The following ITGA11 variants were observed in gnomAD, a reference collection of about 807,000 sequenced individuals.
The protein encoded by ITGA11 is integrin subunit alpha 11.
Under a neutral mutation model 141.9 loss-of-function variants are expected in ITGA11, and 97 were observed. That is an observed-to-expected ratio of 0.68 (90% CI 0.58 to 0.81). The LOEUF (loss-of-function observed/expected upper bound fraction) is 0.81. Ranked by LOEUF, ITGA11 falls within the 30% of genes least tolerant of loss-of-function variation. The probability of loss-of-function intolerance (pLI) is 0.00; values close to 1 mark genes in which losing one functional copy is unlikely to be tolerated. For missense variants in ITGA11, 1,387 were observed against 1,559.2 expected, an observed-to-expected ratio of 0.89 and a Z score of 1.86; for synonymous variants, 658 against 624.6, an observed-to-expected ratio of 1.05 and a Z score of -0.80.
chr15:68,378,372 T>C (rs556344957), intron 2 of ITGA11, among the ~76,000 whole-genome samples: 2 of 152,278 alleles, frequency 1.3e-5, no homozygotes, highest in South Asian at 4.1e-4. Flanking sequence ...AAGCTGGGCA[T>C]GGTGGCACAT....
intron 2 of ITGA11, among the ~76,000 whole-genome samples, chr15:68,391,599 A>T (rs920144775): frequency 6.6e-5 from 10 of 152,188 alleles, no homozygotes; most frequent in African/African-American, 2.4e-4. Context: ...TCCAACAAAA[A>T]GTGGGAAGTG....
rs1264114218 is a variant in ITGA11 at position 68,333,043 on chromosome 15, CCA to C, written c.1426-567_1426-566del. Reference sequence around the variant, plus strand: ...ATCTACAACATAATCACTGGTCATTCCACAGTGCTCCAAATTATGCATGTATC... The same window carrying C: ...ATCTACAACATAATCACTGGTCATTCCAGTGCTCCAAATTATGCATGTATC... On this transcript the variant is annotated intron_variant, in intron 12 of 29. Transcript: ENST00000315757. This position sits in a 1 kb window ranked among gnomAD's most constrained non-coding sequence, Gnocchi z 4.2. Among the ~76,000 whole-genome samples the C allele has an allele frequency of 2.0e-5, 3 of 152,008 alleles. No homozygotes were observed. Among genetic ancestry groups the C allele is most frequent in the African/African-American group, 7.2e-5 (3 of 41,398 alleles).
At position 68,315,727 on chromosome 15, in the gene ITGA11, C is replaced by T. The variant is rs1408636297; in HGVS notation, c.2716G>A (p.Val906Met). The change falls in exon 22 of 30, where the codon GTG becomes ATG. Residue 906 changes from valine (V) to methionine (M), a missense_variant and splice_region_variant. Physicochemically the swap from Val to Met is conservative, Grantham distance 21. Transcript: ENST00000315757. ...SYPFFRAKAK[V>M]AFRLDFEFSK... ...AACTCAAAATCAAGACGGAAAGCCA[C>T]CTGCAAGGAAGCAGTCGCATGTCTG... is the stretch of plus-strand genomic sequence containing the variant. 2 of 1,610,054 alleles carry T rather than the reference C, an allele frequency of 1.2e-6. No individual in the cohort carries two copies. The highest frequency in any genetic ancestry group is 1.7e-6 in the Non-Finnish European group (2 of 1,177,974).
rs1567121294 is a variant in ITGA11, at chr15:68,307,848, C to CACATT, written c.3175-153_3175-152insAATGT. On this transcript the variant is annotated intron_variant, in intron 26 of 29. Coordinates refer to ENST00000315757, the MANE Select transcript of ITGA11 (RefSeq NM_001004439.2). The surrounding 1 kb of genome is among the most constrained non-coding windows in gnomAD (Gnocchi z 6.1). ...TTGGGAGTGGGGGACATGTGCATTG[C>CACATT]GTCTGCCAGGGGATGACTGAAGGAC... Among the ~76,000 whole-genome samples the CACATT allele has an allele frequency of 6.6e-6, 1 of 152,086 alleles. No homozygotes were observed. The highest frequency in any genetic ancestry group is 2.4e-5 in the African/African-American group (1 of 41,410).
At chr15:68,317,434 C>T (rs776071090) in intron 20 of ITGA11, 71 bp from the exon 21 acceptor site, 14 of 1,058,012 alleles carry the variant, frequency 1.3e-5, no homozygotes, top group South Asian at 2.5e-5. Flanking sequence ...GGCTCCCTCA[C>T]CCCCAGCCTG....
intron 23 of ITGA11, 77 bp from the exon 24 acceptor site, chr15:68,312,940 G>A (rs1893442365): frequency 9.1e-7 from 1 of 1,099,996 alleles, no homozygotes; most frequent in Non-Finnish European, 1.4e-6. Context: ...AAGAGGGAGA[G>A]GGCATGTGCC....
At position 68,300,533 on chromosome 15, in the gene ITGA11, A is replaced by T. The variant is rs1348375391; in HGVS notation, c.*2526T>A. On this transcript the variant is annotated 3_prime_UTR_variant, in exon 30 of 30. Transcript: ENST00000315757. ...TAGCATAGACTTTGCTCCCTATAAG[A>T]TGCATCTTTGTTTGCTCTACCAGGC... 4 of 152,228 alleles carry T rather than the reference A, an allele frequency of 2.6e-5. No homozygotes were observed. 9.4% of individuals were successfully genotyped at this position (152,228 alleles called of 1,614,324 possible).
At chr15:68,417,510 C>T (rs1198811958) in intron 1 of ITGA11, among the ~76,000 whole-genome samples, 1 of 152,192 alleles carries the variant, frequency 6.6e-6, no homozygotes, top group African/African-American at 2.4e-5. Flanking sequence ...TTTTGCTCAG[C>T]TTCAAGCTAT....
intron 1 of ITGA11, among the ~76,000 whole-genome samples, chr15:68,416,689 G>A (rs975255611): frequency 6.6e-6 from 1 of 152,242 alleles, no homozygotes; most frequent in African/African-American, 2.4e-5. Context: ...ACTTTGGGAG[G>A]CGGATTGCCT....
In ITGA11 at chr15:68,303,346, C is replaced by T. The variant is rs569880094; in HGVS notation, c.3496-216G>A. Among the ~76,000 whole-genome samples the T allele has an allele frequency of 2.6e-5, 4 of 152,278 alleles. No homozygotes were observed. In the South Asian group the frequency reaches 6.2e-4, roughly 24 times the overall value. ...GCATGCAAGAAGTCATACTAGTGCC[C>T]ATCTTGCTGTGTGACCAGCCCCAGC... On this transcript the variant is annotated intron_variant, in intron 29 of 29. Coordinates refer to ENST00000315757, the MANE Select transcript of ITGA11 (RefSeq NM_001004439.2). This position sits in a 1 kb window ranked among gnomAD's most constrained non-coding sequence, Gnocchi z 5.3.
In ITGA11 at chr15:68,361,636, G is replaced by T; in HGVS notation, c.426C>A (p.Val142=). 1.2e-6 allele frequency: 2 copies of T among 1,610,672 alleles called. No individual in the cohort carries two copies. The highest frequency in any genetic ancestry group is 1.7e-5 in the Admixed American group (1 of 59,618). Reference sequence around the variant, plus strand: ...TCTTGGAGAACCTGAAGTTGGAGTTGACTCTTGAACACATCCCTGTGGTGT... The same window carrying T: ...TCTTGGAGAACCTGAAGTTGGAGTTTACTCTTGAACACATCCCTGTGGTGT... The part of the protein sequence containing the change: ...SYYTTGMCSR[V]NSNFRFSKTV... Residue 142 remains valine (V), a synonymous_variant, in exon 5 of 30, where the codon GTC becomes GTA. Coordinates refer to ENST00000315757, the MANE Select transcript of ITGA11 (RefSeq NM_001004439.2).
chr15:68,398,471 A>G (rs1896377418), intron 2 of ITGA11, among the ~76,000 whole-genome samples: 1 of 151,024 alleles, frequency 6.6e-6, no homozygotes, highest in South Asian at 2.1e-4. Context: ...ATATATATGC[A>G]CCCAATACAG....
At position 68,299,418 on chromosome 15, in the gene ITGA11, G is replaced by T. The variant is rs1017031401; in HGVS notation, c.*3641C>A. On this transcript the variant is annotated 3_prime_UTR_variant, in exon 30 of 30. Coordinates refer to ENST00000315757, the MANE Select transcript of ITGA11 (RefSeq NM_001004439.2). Reference sequence around the variant, plus strand: ...ATATTAACATAAAGATAGTAGGGGAGTTTTTTTTTTTTTTAAATTATAAGA... The same window carrying T: ...ATATTAACATAAAGATAGTAGGGGATTTTTTTTTTTTTTTAAATTATAAGA... 9.0e-5 allele frequency: 13 copies of T among 145,040 alleles called. No homozygotes were observed. The highest frequency in any genetic ancestry group is 3.3e-4 in the African/African-American group (13 of 39,980). The allele number at this position is 145,040 out of a possible 1,614,324, so 9.0% of individuals were successfully genotyped here. A position where few individuals can be genotyped will look rare whatever the true frequency, so the allele number is the denominator to read the frequency against.
chr15:68,357,313 G>A lies in ITGA11; in HGVS notation c.601-14C>T, dbSNP rs1485788231. 1 of 1,607,392 alleles carries A rather than the reference G, an allele frequency of 6.2e-7. No individual in the cohort carries two copies. ...CACAACTCCAACCTGCAAGGGAGAG[G>A]AGAGGGCAACAGAACATTTTGACCC... On this transcript the variant is annotated splice_polypyrimidine_tract_variant and intron_variant, in intron 6 of 29. Coordinates refer to ENST00000315757, the MANE Select transcript of ITGA11 (RefSeq NM_001004439.2).
In ITGA11 at chr15:68,361,590, T is replaced by C. The variant is rs1347518287; in HGVS notation, c.472A>G (p.Arg158Gly). ...AGGTTGCAGATTTGAAGCCACTTAC[T>C]TTGGAGAGCTGGGGCCACGGTCTTG... Reference protein sequence around the residue: ...FSKTVAPALQRCQTYMDIVIV... With the variant: ...FSKTVAPALQGCQTYMDIVIV... The change falls in exon 5 of 30, where the codon AGG becomes GGG. Residue 158 changes from arginine to glycine, a missense_variant and splice_region_variant. Transcript: ENST00000315757. The C allele has an allele frequency of 1.9e-6, 3 of 1,596,216 alleles. No individual in the cohort carries two copies. The highest frequency in any genetic ancestry group is 4.5e-5 in the East Asian group (2 of 44,372).
rs374108157 is a variant in ITGA11, at chr15:68,320,371, C to T, written c.2430G>A (p.Leu810=). The part of the protein sequence containing the change: ...PTAMEYCQRV[L]RKPAQDCSAY... The stretch of plus-strand genomic sequence containing the variant: ...CGGAGCAGTCCTGCGCAGGCTTCCT[C>T]AGCACCCTCTGGCAGTACTCCCTGA... The change falls in exon 20 of 30, where the codon CTG becomes CTA. Residue 810 remains leucine, a synonymous_variant. Transcript: ENST00000315757. 2.9e-4 allele frequency: 458 copies of T among 1,598,996 alleles called. No individual in the cohort carries two copies. The highest frequency in any genetic ancestry group is 1.2e-3 in the Admixed American group (71 of 57,304).
At chr15:68,389,886 G>T (rs936389917) in intron 2 of ITGA11, among the ~76,000 whole-genome samples, 15 of 152,192 alleles carry the variant, frequency 9.9e-5, no homozygotes, top group African/African-American at 3.6e-4. Flanking sequence ...GAGGCTTCCT[G>T]CTTCAGGGGA....
intron 10 of ITGA11, among the ~76,000 whole-genome samples, chr15:68,342,211 G>A (rs1203502997): frequency 6.6e-6 from 1 of 152,250 alleles, no homozygotes; most frequent in African/African-American, 2.4e-5. Context: ...CGTGGGCCCA[G>A]CTGGCAAACA....
intron 2 of ITGA11, among the ~76,000 whole-genome samples, chr15:68,387,033 A>AG (rs1408317061): frequency 6.6e-6 from 1 of 151,880 alleles, no homozygotes; most frequent in African/African-American, 2.4e-5. Flanking sequence ...GGGATGGGGG[A>AG]GGAGGGGATG....
Sources: gnomAD v4.1 joint callset for allele counts (sites outside exome capture counted in the v4.1 genomes callset) on GRCh38, gnomAD v4.1.1 for gene constraint, Gnocchi (gnomAD v3.1) non-coding constraint, MANE v1.5 for transcripts, NCBI Gene and HGNC (gene_info 2026-07-23, HGNC 2026-07-21) for gene names.